The following FMN2 variants were observed in gnomAD, a reference collection of about 807,000 sequenced individuals.
FMN2 encodes the protein formin 2.
Under a neutral mutation model 142.3 loss-of-function variants are expected in FMN2, and 51 were observed. That is an observed-to-expected ratio of 0.36 (90% CI 0.29 to 0.45). The LOEUF (loss-of-function observed/expected upper bound fraction) is 0.45. Among genes scored for constraint, FMN2 ranks in the 20% least tolerant of loss-of-function variants. The probability of loss-of-function intolerance (pLI) is 1.00; values close to 1 mark genes in which losing one functional copy is unlikely to be tolerated. For missense variants in FMN2, 1,936 were observed against 2,122.8 expected (o/e 0.91, Z 1.73); for synonymous variants, 882 against 869.8 (o/e 1.01, Z -0.25).
chr1:240,330,636 C>A lies in FMN2; in HGVS notation c.4471C>A (p.Leu1491Ile). Reference sequence around the variant, plus strand: ...AAATGGCCCAGGGGTTATGCAGGTTCTAGGTTTGGTTCTTGCCTTTGGCAA... The same window carrying A: ...AAATGGCCCAGGGGTTATGCAGGTTATAGGTTTGGTTCTTGCCTTTGGCAA... ...LKNGPGVMQVLGLVLAFGNYM... is the reference protein window; with the variant it reads ...LKNGPGVMQVIGLVLAFGNYM... The change falls in exon 11 of 18, where the codon CTA becomes ATA. Residue 1491 changes from leucine to isoleucine, a missense_variant. By Grantham distance (5) the Leu-to-Ile change is conservative. This residue lies in a region of FMN2 where 322 missense variants were observed against 401.6 expected (regional missense o/e 0.80). Coordinates refer to ENST00000319653, the MANE Select transcript of FMN2 (RefSeq NM_020066.5). 6.2e-7 allele frequency: 1 copy of A among 1,613,890 alleles called. No homozygotes were observed. The highest frequency in any genetic ancestry group is 8.5e-7 in the Non-Finnish European group (1 of 1,179,902).
chr1:240,275,056 A>T (rs1412133449), intron 7 of FMN2, among the ~76,000 whole-genome samples: 1 of 149,636 alleles, frequency 6.7e-6, no homozygotes, highest in African/African-American at 2.5e-5. Context: ...AATTGGGGTC[A>T]AGAAAGGGTG....
At chr1:240,271,523 G>T (rs1440518420) in intron 7 of FMN2, among the ~76,000 whole-genome samples, 1 of 150,842 alleles carries the variant, frequency 6.6e-6, no homozygotes, top group Admixed American at 6.6e-5. Flanking sequence ...TCCTCACATG[G>T]GATATAGAAT....
chr1:240,217,880 G>C (rs988331025), intron 6 of FMN2, among the ~76,000 whole-genome samples: 5 of 151,944 alleles, frequency 3.3e-5, no homozygotes, highest in Admixed American at 2.6e-4. Flanking sequence ...CACCTTGCTA[G>C]ATTATATATT....
chr1:240,347,710 A>G (rs1671955602), intron 13 of FMN2, among the ~76,000 whole-genome samples: 1 of 152,160 alleles, frequency 6.6e-6, no homozygotes, highest in South Asian at 2.1e-4. Context: ...CCACTCTAAT[A>G]GACCCCAGCG....
intron 2 of FMN2, chr1:240,143,725 GA>G: frequency 6.4e-7 from 1 of 1,558,572 alleles, no homozygotes; most frequent in Non-Finnish European, 8.8e-7. Context: ...ACGAGCATAA[GA>G]GTCCTTGAGC....
chr1:240,442,920 C>A (rs182384403), intron 16 of FMN2, among the ~76,000 whole-genome samples: 35 of 152,292 alleles, frequency 2.3e-4, no homozygotes, highest in Non-Finnish European at 4.1e-4. Flanking sequence ...GTTTCCTAAT[C>A]TGTAAAAGAG....
chr1:240,281,069 T>G (rs1426068720), intron 7 of FMN2, among the ~76,000 whole-genome samples: 1 of 152,158 alleles, frequency 6.6e-6, no homozygotes, highest in Non-Finnish European at 1.5e-5. Context: ...CTCTAACAAT[T>G]TAACTTGTAC....
chr1:240,171,298 A>G, intron 2 of FMN2: 1 of 723,300 alleles, frequency 1.4e-6, no homozygotes, highest in Non-Finnish European at 2.6e-6. Context: ...GATTTAATTC[A>G]AAAGAGAAAA....
chr1:240,433,784 T>C (rs1206090555), intron 15 of FMN2, among the ~76,000 whole-genome samples: 1 of 152,228 alleles, frequency 6.6e-6, no homozygotes, highest in Non-Finnish European at 1.5e-5. Flanking sequence ...CTTCCTCCTA[T>C]ACAGATGATG....
intron 6 of FMN2, among the ~76,000 whole-genome samples, chr1:240,229,338 C>T (rs772452831): frequency 5.9e-5 from 9 of 152,142 alleles, no homozygotes; most frequent in Non-Finnish European, 1.3e-4. Context: ...ATTCTTCCCC[C>T]TCTTCCTCAC....
At chr1:240,171,893 G>GTTTTTA (rs1553336326) in intron 2 of FMN2, among the ~76,000 whole-genome samples, 12 of 151,734 alleles carry the variant, frequency 7.9e-5, no homozygotes, top group Non-Finnish European at 1.6e-4. Flanking sequence ...ATGGTAGAAA[G>GTTTTTA]TTTGTTTTCT....
chr1:240,382,836 G>A (rs1233975848), intron 14 of FMN2, among the ~76,000 whole-genome samples: 2 of 151,732 alleles, frequency 1.3e-5, no homozygotes, highest in Admixed American at 6.6e-5. Flanking sequence ...AAAAAAACAG[G>A]CATCACGTTT....
chr1:240,413,486 G>T (rs1674482476), intron 15 of FMN2, among the ~76,000 whole-genome samples: 1 of 152,134 alleles, frequency 6.6e-6, no homozygotes, highest in South Asian at 2.1e-4. Context: ...TCTGCATCTT[G>T]ACCTCTGAGA....
intron 2 of FMN2, among the ~76,000 whole-genome samples, chr1:240,153,697 G>C (rs1013658374): frequency 2.6e-5 from 4 of 151,974 alleles, no homozygotes; most frequent in Non-Finnish European, 5.9e-5. Context: ...AGGGACTAAA[G>C]GTTCTCACAG....
intron 7 of FMN2, among the ~76,000 whole-genome samples, chr1:240,268,973 G>A (rs879576222): frequency 6.6e-6 from 1 of 151,938 alleles, no homozygotes; most frequent in African/African-American, 2.4e-5. Flanking sequence ...TTCAGTGCAT[G>A]ATTTGCAAAT....
intron 6 of FMN2, among the ~76,000 whole-genome samples, chr1:240,233,272 T>G (rs1472372067): frequency 1.3e-5 from 2 of 151,774 alleles, no homozygotes; most frequent in Non-Finnish European, 2.9e-5. Context: ...TCCCAGCTAC[T>G]CAGGAGGCTG....
intron 4 of FMN2, among the ~76,000 whole-genome samples, chr1:240,188,839 C>T (rs1192944462): frequency 1.3e-5 from 2 of 152,106 alleles, no homozygotes; most frequent in Non-Finnish European, 2.9e-5. Flanking sequence ...GGAGGCCTCA[C>T]AAGTTCATGG....
intron 1 of FMN2, among the ~76,000 whole-genome samples, chr1:240,111,948 A>G (rs1661824076): frequency 6.6e-6 from 1 of 152,188 alleles, no homozygotes; most frequent in Admixed American, 6.5e-5. Context: ...TAGGCAGAAA[A>G]TAAGGAACAC....
At chr1:240,285,384 G>A (rs1669550957) in intron 7 of FMN2, 1 of 432,954 alleles carries the variant, frequency 2.3e-6, no homozygotes, top group Non-Finnish European at 4.7e-6. Context: ...AGACACCCAA[G>A]TGGTGATGCT....
Sources: allele counts gnomAD v4.1 joint callset (sites outside exome capture counted in the v4.1 genomes callset), GRCh38; gene constraint gnomAD v4.1.1; regional missense constraint gnomAD v4.1.1; transcripts MANE v1.5; gene names NCBI Gene and HGNC (gene_info 2026-07-23, HGNC 2026-07-21).